CACNA1D: variants seen among roughly 807,000 people sequenced by gnomAD.
The protein encoded by CACNA1D is calcium voltage-gated channel subunit alpha1 D.
CACNA1D carries 55 observed loss-of-function variants against 257.1 expected under a neutral mutation model. The ratio of observed to expected loss-of-function variants is 0.21; its 90% CI spans 0.17 to 0.27. The LOEUF (loss-of-function observed/expected upper bound fraction) is 0.27. Ranked by LOEUF, CACNA1D falls within the 10% of genes least tolerant of loss-of-function variation. CACNA1D has a pLI of 1.00. For synonymous variants in CACNA1D, 980 were observed against 1,014.9 expected (o/e 0.97, Z 0.65); for missense variants, 1,876 against 2,784.0 (o/e 0.67, Z 7.34).
chr3:53,575,000 C>T (rs1250712373), intron 3 of CACNA1D, among the ~76,000 whole-genome samples: 3 of 152,254 alleles, frequency 2.0e-5, no homozygotes, highest in Admixed American at 1.3e-4. Context: ...GACAGGGGCG[C>T]AGGCCAGGCA....
intron 37 of CACNA1D, among the ~76,000 whole-genome samples, chr3:53,777,845 C>T (rs142426902): frequency 2.0e-3 from 304 of 152,358 alleles, no homozygotes; most frequent in Non-Finnish European, 3.2e-3. Flanking sequence ...TAGCACCTTA[C>T]ATTTGTTGCA....
intron 40 of CACNA1D, among the ~76,000 whole-genome samples, chr3:53,788,553 C>G (rs1453269899): frequency 6.6e-6 from 1 of 152,210 alleles, no homozygotes; most frequent in Non-Finnish European, 1.5e-5. Flanking sequence ...AGTCTCTGGT[C>G]CATCCATCCT....
intron 3 of CACNA1D, among the ~76,000 whole-genome samples, chr3:53,629,633 CT>C (rs1392724377): frequency 6.6e-5 from 10 of 152,172 alleles, no homozygotes. Flanking sequence ...CAGATGCTTT[CT>C]TTGCTCACAC....
intron 8 of CACNA1D, among the ~76,000 whole-genome samples, chr3:53,687,866 C>T (rs564427068): frequency 6.6e-6 from 1 of 152,242 alleles, no homozygotes; most frequent in Admixed American, 6.5e-5. Flanking sequence ...CATAAACCAT[C>T]AGGGAAGTAC....
chr3:53,811,617 C>G lies in CACNA1D; in HGVS notation c.*211C>G. 2.1e-6 allele frequency: 1 copy of G among 474,612 alleles called. No homozygotes were observed. Among genetic ancestry groups the G allele is most frequent in the East Asian group, 3.5e-5 (1 of 28,596 alleles). The allele number at this position is 474,612 out of a possible 1,614,324, so 29.4% of individuals were successfully genotyped here. A position where few individuals can be genotyped will look rare whatever the true frequency, so the allele number is the denominator to read the frequency against. On this transcript the variant is annotated 3_prime_UTR_variant, in exon 48 of 48. Coordinates refer to ENST00000350061, the MANE Select transcript of CACNA1D (RefSeq NM_001128840.3). This position sits in a 1 kb window ranked among gnomAD's most constrained non-coding sequence, Gnocchi z 4.2. ...TGAGCCTGGCAGAGTACCATGCGCT[C>G]GGCCCCAGCTGCAGGAAACAGCAGG...
chr3:53,706,554 G>A (rs1226869080), intron 9 of CACNA1D, among the ~76,000 whole-genome samples: 4 of 152,202 alleles, frequency 2.6e-5, no homozygotes, highest in African/African-American at 9.7e-5. Context: ...ACTGCTAGGA[G>A]TAGTCATAGT....
chr3:53,724,917 A>G (rs752166199), intron 14 of CACNA1D, among the ~76,000 whole-genome samples: 12 of 151,970 alleles, frequency 7.9e-5, no homozygotes, highest in South Asian at 2.1e-4. Context: ...TGTAAGCCAT[A>G]GTATTGTTGT....
At chr3:53,629,190 C>A (rs1272202635) in intron 3 of CACNA1D, among the ~76,000 whole-genome samples, 1 of 152,214 alleles carries the variant, frequency 6.6e-6, no homozygotes, top group East Asian at 1.9e-4. Context: ...GACCAGAGGC[C>A]ATAATTTGCC....
In CACNA1D at chr3:53,718,165, C is replaced by A. The variant is rs2094840133; in HGVS notation, c.1391-136C>A. 1.0e-5 allele frequency: 8 copies of A among 763,704 alleles called. No homozygotes were observed. In the Admixed American group the frequency reaches 1.1e-4, roughly 10 times the overall value. The allele number at this position is 763,704 out of a possible 1,614,324, so 47.3% of individuals were successfully genotyped here. On this transcript the variant is annotated intron_variant, in intron 9 of 47. Coordinates refer to ENST00000350061, the MANE Select transcript of CACNA1D (RefSeq NM_001128840.3). ...GCTCCTTGGCACTCCCTTAGCCCAG[C>A]TGAGGCCCTGAGGGCCCTTTTCACC...
chr3:53,685,195 G>A lies in CACNA1D; in HGVS notation c.1220+12069G>A, dbSNP rs190164951. Among the ~76,000 whole-genome samples, 966 of 152,220 alleles carry A rather than the reference G, an allele frequency of 6.3e-3. 10 individuals are homozygous for A. The highest frequency in any genetic ancestry group is 0.031 in the South Asian group (151 of 4,822). ...CCACACAAGTTGGACTTTAGTATAA[G>A]GAACATTTCCAGAAATAGGGACATT... On this transcript the variant is annotated intron_variant, in intron 8 of 47. Coordinates refer to ENST00000350061, the MANE Select transcript of CACNA1D (RefSeq NM_001128840.3).
In CACNA1D at chr3:53,800,696, G is replaced by C. The variant is rs2095532133; in HGVS notation, c.5040+331G>C. ...TGCTACCCTCCTCCTTCCCGGGCCA[G>C]CTCTTTGATCTGCCAGCTGGCTGTC... is the stretch of plus-strand genomic sequence containing the variant. On this transcript the variant is annotated intron_variant, in intron 41 of 47. Coordinates refer to ENST00000350061, the MANE Select transcript of CACNA1D (RefSeq NM_001128840.3). This position sits in a 1 kb window ranked among gnomAD's most constrained non-coding sequence, Gnocchi z 4.3. 2 of 493,124 alleles carry C rather than the reference G, an allele frequency of 4.1e-6. No homozygotes were observed. Among genetic ancestry groups the C allele is most frequent in the Admixed American group, 6.6e-5 (2 of 30,398 alleles). 30.5% of individuals were successfully genotyped at this position (493,124 alleles called of 1,614,324 possible).
chr3:53,546,561 C>T lies in CACNA1D; in HGVS notation c.483+44841C>T, dbSNP rs117244866. Among the ~76,000 whole-genome samples, 23 of 152,326 alleles carry T rather than the reference C, an allele frequency of 1.5e-4. 1 individual carries two copies. In the East Asian group the frequency reaches 4.4e-3, roughly 29 times the overall value. ...AAAGGCCATAAGAGTCAGAATTTGT[C>T]TAACAGGAATCTCCACAGAGATCCT... On this transcript the variant is annotated intron_variant, in intron 3 of 47. Coordinates refer to ENST00000350061, the MANE Select transcript of CACNA1D (RefSeq NM_001128840.3).
chr3:53,758,754 C>T (rs936692797), intron 29 of CACNA1D, among the ~76,000 whole-genome samples: 2 of 152,166 alleles, frequency 1.3e-5, no homozygotes, highest in African/African-American at 2.4e-5. Flanking sequence ...CTGCTGGTTC[C>T]ACTTGAGAGG....
At chr3:53,712,200 T>C (rs1231147287) in intron 9 of CACNA1D, among the ~76,000 whole-genome samples, 1 of 152,224 alleles carries the variant, frequency 6.6e-6, no homozygotes, top group African/African-American at 2.4e-5. Context: ...CCTTCTCCAT[T>C]GTCTTTCTGA....
intron 44 of CACNA1D, 120 bp from the exon 45 acceptor site, chr3:53,804,863 C>T: frequency 1.0e-6 from 1 of 968,758 alleles, no homozygotes; most frequent in Non-Finnish European, 1.7e-6. Flanking sequence ...GCCTTGTTCT[C>T]AGCCAATCCT....
chr3:53,685,844 T>C (rs1417109534), intron 8 of CACNA1D, among the ~76,000 whole-genome samples: 3 of 152,112 alleles, frequency 2.0e-5, no homozygotes, highest in African/African-American at 2.4e-5. Context: ...TTAAACTCAG[T>C]AGTTCTACAT....
At chr3:53,642,005 T>C (rs955674256) in intron 3 of CACNA1D, among the ~76,000 whole-genome samples, 1 of 152,188 alleles carries the variant, frequency 6.6e-6, no homozygotes, top group Non-Finnish European at 1.5e-5. Flanking sequence ...GACTCCTTCA[T>C]TTGCAGGTGA....
intron 3 of CACNA1D, among the ~76,000 whole-genome samples, chr3:53,571,198 G>A (rs888521003): frequency 6.6e-6 from 1 of 152,154 alleles, no homozygotes; most frequent in Non-Finnish European, 1.5e-5. Context: ...TTTGCTGTGC[G>A]TGTCTGAATC....
chr3:53,770,504 G>A lies in CACNA1D; in HGVS notation c.3996G>A (p.Arg1332=), dbSNP rs138000029. Residue 1332 remains arginine, a synonymous_variant, in exon 32 of 48, where the codon AGG becomes AGA. Coordinates refer to ENST00000350061, the MANE Select transcript of CACNA1D (RefSeq NM_001128840.3). The part of the protein sequence containing the change: ...RVMRLVKLLS[R]GEGIRTLLWT... ...TGCGATTGGTGAAGCTTCTCAGCAGGGGGGAAGGCATCCGGACATTGCTGT... is the reference window on the plus strand; with the variant it reads ...TGCGATTGGTGAAGCTTCTCAGCAGAGGGGAAGGCATCCGGACATTGCTGT... 2.2e-5 allele frequency: 36 copies of A among 1,613,622 alleles called. No homozygotes were observed. The highest frequency in any genetic ancestry group is 5.3e-5 in the African/African-American group (4 of 74,898).
Sources: allele counts gnomAD v4.1 joint callset (sites outside exome capture counted in the v4.1 genomes callset), GRCh38; gene constraint gnomAD v4.1.1; non-coding constraint Gnocchi (gnomAD v3.1); transcripts MANE v1.5; gene names NCBI Gene and HGNC (gene_info 2026-07-23, HGNC 2026-07-21).